Variants in SLC9A7 observed in about 807,000 individuals in gnomAD.
SLC9A7 encodes solute carrier family 9 member A7.
In SLC9A7, 19 loss-of-function variants were observed where a neutral mutation model predicts 52.6. The ratio of observed to expected loss-of-function variants is 0.36; its 90% CI spans 0.25 to 0.53. The LOEUF (loss-of-function observed/expected upper bound fraction) is 0.53. Ranked by LOEUF, SLC9A7 falls within the 20% of genes least tolerant of loss-of-function variation. The probability of loss-of-function intolerance (pLI) is 0.91; values close to 1 mark genes in which losing one functional copy is unlikely to be tolerated. For synonymous variants in SLC9A7, 226 were observed against 252.1 expected, an observed-to-expected ratio of 0.90 and a Z score of 0.98; for missense variants, 455 against 597.9, an observed-to-expected ratio of 0.76 and a Z score of 2.49.
intron 1 of SLC9A7, among the ~76,000 whole-genome samples, chrX:46,698,846 T>A (rs1017150235): frequency 8.9e-6 from 1 of 111,927 alleles, no homozygotes; most frequent in African/African-American, 3.3e-5. Context: ...GGGCTCAGAA[T>A]CTGGAGTGTG....
chrX:46,725,659 C>T (rs1017216323), intron 1 of SLC9A7: 6 of 1,182,123 alleles, frequency 5.1e-6, no homozygotes, highest in Non-Finnish European at 6.9e-6. Context: ...GCAGGACCCT[C>T]TCTCATCTTC....
At chrX:46,738,787 C>T (rs1347301412) in intron 1 of SLC9A7, among the ~76,000 whole-genome samples, 1 of 108,243 alleles carries the variant, frequency 9.2e-6, no homozygotes, top group Admixed American at 9.8e-5. Flanking sequence ...AAAAACAAAA[C>T]AAACAAACAA....
chrX:46,727,809 G>C (rs1053602632), intron 1 of SLC9A7, among the ~76,000 whole-genome samples: 1 of 112,031 alleles, frequency 8.9e-6, no homozygotes, highest in Non-Finnish European at 1.9e-5. Flanking sequence ...TTTGACTTAG[G>C]CAAAAATCAT....
intron 1 of SLC9A7, among the ~76,000 whole-genome samples, chrX:46,716,334 T>C (rs1944768427): frequency 8.9e-6 from 1 of 112,044 alleles, no homozygotes; most frequent in East Asian, 2.8e-4. Context: ...GTTTCTTTAT[T>C]AAAAAGAGAA....
chrX:46,645,720 T>C lies in SLC9A7; in HGVS notation c.1463-2331A>G, dbSNP rs192718504. The stretch of plus-strand genomic sequence containing the variant: ...AAATGAGTACTGGGCCCATGTGGCA[T>C]GGCCAAGTAACTAAAACGTGATTCA... On this transcript the variant is annotated intron_variant, in intron 11 of 16. Transcript: ENST00000616978. 3.3e-3 allele frequency among the ~76,000 whole-genome samples: 355 copies of C among 107,931 alleles called. 1 individual carries two copies. The highest frequency in any genetic ancestry group is 0.012 in the African/African-American group (343 of 29,484). 93.7% of individuals were successfully genotyped at this position (107,931 alleles called of 115,157 possible).
rs141987517 is a variant in SLC9A7, at chrX:46,635,638, C to T, written c.1627G>A (p.Glu543Lys). Residue 543 changes from glutamate to lysine, a missense_variant, in exon 13 of 17, where the codon GAG (glutamate) becomes AAG (lysine). By Grantham distance (56) the Glu-to-Lys change is moderately conservative. This residue lies in a region of SLC9A7 where 146 missense variants were observed against 160.5 expected (regional missense o/e 0.91). Transcript: ENST00000616978. Reference protein sequence around the residue: ...LSWLNIRVGVEEPSEEDQNEH... With the variant: ...LSWLNIRVGVKEPSEEDQNEH... The stretch of plus-strand genomic sequence containing the variant: ...TTCTGGTCCTCTTCGGAGGGCTCCT[C>T]GACGCCAACTCTGGGCAGCAGAAGA... 305 of 1,207,663 alleles carry T rather than the reference C, an allele frequency of 2.5e-4. No individual in the cohort carries two copies. In the African/African-American group the frequency reaches 3.7e-3, roughly 15 times the overall value.
intron 1 of SLC9A7, chrX:46,684,856 TG>T (rs1309026196): frequency 4.6e-5 from 6 of 129,580 alleles, no homozygotes; most frequent in African/African-American, 6.3e-5. Context: ...TAACTGAAGT[TG>T]GGGGGTGCCT....
intron 15 of SLC9A7, among the ~76,000 whole-genome samples, chrX:46,619,945 T>C (rs1410782827): frequency 8.9e-6 from 1 of 112,123 alleles, no homozygotes; most frequent in Non-Finnish European, 1.9e-5. Flanking sequence ...CCTTGGAATT[T>C]TGTTTCTTGA....
chrX:46,725,353 G>C, intron 1 of SLC9A7: 1 of 1,187,466 alleles, frequency 8.4e-7, no homozygotes, highest in Non-Finnish European at 1.1e-6. Flanking sequence ...TCCAGTTCTG[G>C]TGTGCCATAA....
chrX:46,623,738 A>G (rs1171557940), intron 14 of SLC9A7, among the ~76,000 whole-genome samples: 1 of 112,368 alleles, frequency 8.9e-6, no homozygotes, highest in Non-Finnish European at 1.9e-5. Context: ...GTTGTGATAG[A>G]ACAAGAAATA....
At chrX:46,748,074 C>T (rs1424517561) in intron 1 of SLC9A7, among the ~76,000 whole-genome samples, 5 of 111,530 alleles carry the variant, frequency 4.5e-5, no homozygotes, top group Non-Finnish European at 9.4e-5. Flanking sequence ...TGGCCAGGTA[C>T]AGTGGCTCAT....
chrX:46,748,544 A>AGTGT (rs200266669), intron 1 of SLC9A7, among the ~76,000 whole-genome samples: 3,046 of 94,342 alleles, frequency 0.032, 123 homozygotes, highest in African/African-American at 0.11. Context: ...ATAAATGTGG[A>AGTGT]GTGTGTGTGT....
At chrX:46,739,077 A>G (rs1921123847) in intron 1 of SLC9A7, among the ~76,000 whole-genome samples, 1 of 111,943 alleles carries the variant, frequency 8.9e-6, no homozygotes, top group Non-Finnish European at 1.9e-5. Context: ...TCAATAAAAC[A>G]ACGACAGATA....
chrX:46,735,645 C>T (rs191697123), intron 1 of SLC9A7, among the ~76,000 whole-genome samples: 65 of 111,820 alleles, frequency 5.8e-4, no homozygotes, highest in African/African-American at 1.8e-3. Flanking sequence ...TTTCCTTTAA[C>T]GTTTCTTGTA....
At chrX:46,670,552 C>A (rs747347334) in intron 4 of SLC9A7, among the ~76,000 whole-genome samples, 3 of 110,969 alleles carry the variant, frequency 2.7e-5, no homozygotes, top group African/African-American at 9.8e-5. Context: ...GCAGCAGCTG[C>A]AGGGGTTAGA....
intron 1 of SLC9A7, among the ~76,000 whole-genome samples, chrX:46,682,778 G>A (rs1179724534): frequency 1.8e-5 from 2 of 109,446 alleles, no homozygotes; most frequent in African/African-American, 6.7e-5. Context: ...TACCTTCAGT[G>A]GTATTATGAC....
intron 1 of SLC9A7, among the ~76,000 whole-genome samples, chrX:46,693,887 C>G (rs772394210): frequency 6.4e-5 from 7 of 110,068 alleles, no homozygotes; most frequent in Non-Finnish European, 1.3e-4. Flanking sequence ...CTCATCTCTA[C>G]AAAAAAATTG....
At chrX:46,730,455 T>G (rs1945009973) in intron 1 of SLC9A7, among the ~76,000 whole-genome samples, 1 of 105,970 alleles carries the variant, frequency 9.4e-6, no homozygotes, top group Non-Finnish European at 1.9e-5. Context: ...GCTCAAAAGT[T>G]CAAGACCACC....
At chrX:46,733,064 T>C (rs985945631) in intron 1 of SLC9A7, among the ~76,000 whole-genome samples, 1 of 112,206 alleles carries the variant, frequency 8.9e-6, no homozygotes, top group African/African-American at 3.2e-5. Flanking sequence ...AACACTGAAA[T>C]GACAAACAAC....
Sources: gnomAD v4.1 joint callset for allele counts (sites outside exome capture counted in the v4.1 genomes callset) on GRCh38, gnomAD v4.1.1 for gene constraint, gnomAD v4.1.1 regional missense constraint, MANE v1.5 for transcripts, NCBI Gene and HGNC (gene_info 2026-07-23, HGNC 2026-07-21) for gene names.